The following DSG4 variants were observed in gnomAD, a reference collection of about 807,000 sequenced individuals.
DSG4 encodes desmoglein 4.
In DSG4, 87 loss-of-function variants were observed where a neutral mutation model predicts 93.1. The observed-to-expected ratio is 0.93, with a 90% CI of 0.79 to 1.12. The LOEUF (loss-of-function observed/expected upper bound fraction) is 1.12. DSG4 is among the 50% of genes most tolerant of loss of function. The pLI, the probability that DSG4 is intolerant of heterozygous loss-of-function variation, is 0.00. For missense variants in DSG4, 1,373 were observed against 1,285.7 expected (o/e 1.07, Z -1.04); for synonymous variants, 432 against 452.9 (o/e 0.95, Z 0.59).
chr18:31,392,377 T>A (rs1202092826), intron 8 of DSG4, 37 bp downstream of exon 8: 1 of 1,604,736 alleles, frequency 6.2e-7, no homozygotes, highest in South Asian at 1.1e-5. Flanking sequence ...TCTTCCAAAA[T>A]ATTTTATTCC....
intron 1 of DSG4, 67 bp from the exon 2 acceptor site, chr18:31,385,068 GT>G: frequency 7.6e-7 from 1 of 1,308,614 alleles, no homozygotes; most frequent in South Asian, 1.2e-5. Flanking sequence ...TATTGTCAAT[GT>G]TTTTATGACA....
At chr18:31,379,722 T>C (rs548239658) in intron 1 of DSG4, among the ~76,000 whole-genome samples, 1 of 152,346 alleles carries the variant, frequency 6.6e-6, no homozygotes, top group South Asian at 2.1e-4. Flanking sequence ...TTTGAAAACA[T>C]ATTTAAAATT....
chr18:31,411,047 T>G, intron 14 of DSG4, 184 bp from the exon 15 acceptor site: 1 of 1,497,774 alleles, frequency 6.7e-7, no homozygotes, highest in African/African-American at 1.4e-5. Context: ...TGTAATTAAT[T>G]TACTTTTATT....
At chr18:31,404,276 T>C (rs1011769857) in intron 11 of DSG4, among the ~76,000 whole-genome samples, 2 of 152,158 alleles carry the variant, frequency 1.3e-5, no homozygotes, top group East Asian at 3.8e-4. Context: ...CCAAAGAAAG[T>C]AAAGTGAAAA....
chr18:31,380,284 T>C (rs1300419199), intron 1 of DSG4, among the ~76,000 whole-genome samples: 1 of 152,204 alleles, frequency 6.6e-6, no homozygotes, highest in Non-Finnish European at 1.5e-5. Context: ...ACTTTTTTTG[T>C]TGGGGACAGA....
chr18:31,398,619 C>T (rs931878110), intron 8 of DSG4, among the ~76,000 whole-genome samples: 9 of 152,196 alleles, frequency 5.9e-5, no homozygotes, highest in African/African-American at 2.2e-4. Context: ...CCACATCAAT[C>T]ATTCTGGATC....
chr18:31,383,707 C>A (rs1388819119), intron 1 of DSG4, among the ~76,000 whole-genome samples: 1 of 152,078 alleles, frequency 6.6e-6, no homozygotes, highest in African/African-American at 2.4e-5. Flanking sequence ...TTCTTCTCTC[C>A]CAAATCCCCC....
chr18:31,406,095 C>A lies in DSG4; in HGVS notation c.1655C>A (p.Thr552Lys), dbSNP rs200288878. The A allele has an allele frequency of 3.9e-4, 622 of 1,613,928 alleles. 7 individuals are homozygous for A. The South Asian group carries it at 6.7e-3, about 17-fold the overall frequency. Residue 552 changes from threonine to lysine, a missense_variant, in exon 12 of 16, where the codon ACG becomes AAG. By Grantham distance (78) the Thr-to-Lys change is moderately conservative. Transcript: ENST00000308128. ...ATTTCAGCTACCTCGGCAATCCTTA[C>A]GGCTAAGCAGGTTTTATCTCCAGGA... ...RSTNATSAIL[T>K]AKQVLSPGFY...
chr18:31,389,469 A>G (rs1285828761), intron 5 of DSG4, among the ~76,000 whole-genome samples: 2 of 152,126 alleles, frequency 1.3e-5, no homozygotes, highest in East Asian at 3.9e-4. Flanking sequence ...TTCACAGACT[A>G]CATAGCAAAC....
intron 14 of DSG4, 134 bp downstream of exon 14, chr18:31,409,942 ACCTGTTTGAAGTAG>A (rs2144216719): frequency 9.5e-7 from 1 of 1,056,930 alleles, no homozygotes; most frequent in South Asian, 1.4e-5. Context: ...AGGGAATGTG[ACCTGTTTGAAGTAG>A]CCACTTTTTT....
At position 31,388,448 on chromosome 18, in the gene DSG4, T is replaced by C; in HGVS notation, c.298T>C (p.Phe100Leu). 1 of 1,613,628 alleles carries C rather than the reference T, an allele frequency of 6.2e-7. No individual in the cohort carries two copies. The highest frequency in any genetic ancestry group is 8.5e-7 in the Non-Finnish European group (1 of 1,179,656). Reference sequence around the variant, plus strand: ...GATTGATCGACCACCATATGGGGTATTCACCATTAATCCTCGCACTGGGGA... The same window carrying C: ...GATTGATCGACCACCATATGGGGTACTCACCATTAATCCTCGCACTGGGGA... ...VGIDRPPYGV[F>L]TINPRTGEIN... Residue 100 changes from phenylalanine to leucine, a missense_variant, in exon 4 of 16, where the codon TTC becomes CTC. Physicochemically the swap from Phe to Leu is conservative, Grantham distance 22. Transcript: ENST00000308128.
chr18:31,394,236 C>T (rs2072280049), intron 8 of DSG4, among the ~76,000 whole-genome samples: 1 of 152,110 alleles, frequency 6.6e-6, no homozygotes, highest in Non-Finnish European at 1.5e-5. Flanking sequence ...AAAAGTTTTT[C>T]AATTCCTACT....
Position 31,392,276 on chromosome 18 carries a change from A to G in DSG4, c.941A>G (p.Asp314Gly). The G allele has an allele frequency of 1.2e-6, 2 of 1,613,808 alleles. No homozygotes were observed. The highest frequency in any genetic ancestry group is 1.1e-5 in the South Asian group (1 of 91,072). The change falls in exon 8 of 16, where the codon GAT (aspartate) becomes GGT (glycine). Residue 314 changes from aspartate to glycine, a missense_variant. Coordinates refer to ENST00000308128, the MANE Select transcript of DSG4 (RefSeq NM_177986.5). ...CAATATTTAATTCTCTCTGGAAATG[A>G]TGGGAATTGGTTCGATATTCAAACA... ...LAQYLILSGN[D>G]GNWFDIQTDP...
intron 1 of DSG4, chr18:31,382,374 A>C (rs1215472604): frequency 6.6e-6 from 1 of 152,250 alleles, no homozygotes; most frequent in Non-Finnish European, 1.5e-5. Context: ...CTTGCAGGTC[A>C]AGCTCCTTGT....
At chr18:31,405,231 GA>G (rs2144207217) in intron 11 of DSG4, among the ~76,000 whole-genome samples, 1 of 152,232 alleles carries the variant, frequency 6.6e-6, no homozygotes, top group East Asian at 1.9e-4. Flanking sequence ...AAATTCCAAT[GA>G]ATATTTTAGA....
At chr18:31,384,176 AT>A (rs1354658149) in intron 1 of DSG4, among the ~76,000 whole-genome samples, 3 of 152,122 alleles carry the variant, frequency 2.0e-5, no homozygotes, top group African/African-American at 7.2e-5. Context: ...TTAAGAACTA[AT>A]TTTTTTAAAA....
In DSG4 at chr18:31,377,353, T is replaced by A. The variant is rs542859826; in HGVS notation, c.48+394T>A. On this transcript the variant is annotated intron_variant, in intron 1 of 15. Coordinates refer to ENST00000308128, the MANE Select transcript of DSG4 (RefSeq NM_177986.5). ...AGGGAAGTTAATCAAACCCATTTCT[T>A]TTCAATAGTTATTTCCCTATGAGTT... Among the ~76,000 whole-genome samples, 7 of 152,332 alleles carry A rather than the reference T, an allele frequency of 4.6e-5. No individual in the cohort carries two copies. In the East Asian group the frequency reaches 1.3e-3, roughly 29 times the overall value.
At chr18:31,402,794 C>T (rs1369162992) in intron 10 of DSG4, among the ~76,000 whole-genome samples, 3 of 152,098 alleles carry the variant, frequency 2.0e-5, no homozygotes, top group Non-Finnish European at 1.5e-5. Flanking sequence ...TAGTCTTTGG[C>T]CCTTTCTGAT....
chr18:31,411,592 C>A (rs191576814), intron 15 of DSG4, 144 bp downstream of exon 15: 5 of 1,038,830 alleles, frequency 4.8e-6, no homozygotes, highest in Non-Finnish European at 7.1e-6. Flanking sequence ...TATTTCACGT[C>A]TCCTTAAAAC....
Sources: allele counts gnomAD v4.1 joint callset (sites outside exome capture counted in the v4.1 genomes callset), GRCh38; gene constraint gnomAD v4.1.1; transcripts MANE v1.5; gene names NCBI Gene and HGNC (gene_info 2026-07-23, HGNC 2026-07-21).